The following PARG variants were observed in gnomAD, a reference collection of about 807,000 sequenced individuals.
The protein encoded by PARG is poly(ADP-ribose) glycohydrolase.
A neutral mutation model predicts 113.0 loss-of-function variants in PARG; 35 were observed. That is an observed-to-expected ratio of 0.31 (90% confidence interval 0.24 to 0.41). The LOEUF (loss-of-function observed/expected upper bound fraction) is 0.41, where lower values mean the gene tolerates loss of function less well. Among genes scored for constraint, PARG ranks in the 10% least tolerant of loss-of-function variants. The pLI, the probability that PARG is intolerant of heterozygous loss-of-function variation, is 1.00. For synonymous variants in PARG, 330 were observed against 409.9 expected (o/e 0.81, Z 2.36); for missense variants, 797 against 1,169.4 (o/e 0.68, Z 4.64).
chr10:49,842,873 G>A (rs1287535001), intron 14 of PARG, among the ~76,000 whole-genome samples: 1 of 152,150 alleles, frequency 6.6e-6, no homozygotes, highest in African/African-American at 2.4e-5. Context: ...GCAGAGGATG[G>A]ACTTGAGACA....
chr10:49,941,376 C>T, intron 1 of PARG, 133 bp downstream of exon 1: 1 of 806,372 alleles, frequency 1.2e-6, no homozygotes, highest in South Asian at 1.5e-5. Flanking sequence ...GCTTTGGTAG[C>T]TCAGCAAGTG....
At position 49,906,538 on chromosome 10, in the gene PARG, G is replaced by A. The variant is rs1325886622; in HGVS notation, c.1737+9379C>T. ...TGTCAAAGACCGACTCTGACAGCAT[G>A]TGCCACAGTCCATAGATAAAAATGA... On this transcript the variant is annotated intron_variant, in intron 7 of 17. Coordinates refer to ENST00000616448, the MANE Select transcript of PARG (RefSeq NM_003631.5). Among the ~76,000 whole-genome samples the A allele has an allele frequency of 2.6e-5, 4 of 152,220 alleles. No individual in the cohort carries two copies. The South Asian group carries it at 6.2e-4, about 24-fold the overall frequency.
chr10:49,852,660 G>A (rs1178760339), intron 13 of PARG, among the ~76,000 whole-genome samples: 2 of 150,004 alleles, frequency 1.3e-5, no homozygotes, highest in South Asian at 4.2e-4. Context: ...TGCCTCCCAC[G>A]TTCAAAAGAT....
rs1168567519 is a variant in PARG, at chr10:49,836,307, C to CTTTTTTTT, written c.2542-3407_2542-3400dup. ...TTTAGTATTCTCTGATTTCTTACGA[C>CTTTTTTTT]TTTTTTTTTTTTTTTTTTTTTTTTT... On this transcript the variant is annotated intron_variant, in intron 15 of 17. Transcript: ENST00000616448. Among the ~76,000 whole-genome samples the CTTTTTTTT allele has an allele frequency of 2.3e-3, 112 of 48,008 alleles. 39 individuals carry two copies. The highest frequency in any genetic ancestry group is 0.056 in the Middle Eastern group (2 of 36). 31.5% of individuals were successfully genotyped at this position (48,008 alleles called of 152,430 possible).
intron 8 of PARG, among the ~76,000 whole-genome samples, chr10:49,884,435 C>G (rs1309603992): frequency 1.3e-5 from 2 of 152,198 alleles, no homozygotes; most frequent in Non-Finnish European, 2.9e-5. Flanking sequence ...CTCGTCTCTA[C>G]TAAAAGTACA....
chr10:49,832,973 G>A lies in PARG; in HGVS notation c.2542-65C>T, dbSNP rs372142544. 1.9e-3 allele frequency: 1,514 copies of A among 796,664 alleles called. 32 individuals are homozygous for A. The South Asian group carries it at 0.024, about 13-fold the overall frequency. The allele number at this position is 796,664 out of a possible 1,614,324, so 49.3% of individuals were successfully genotyped here. The stretch of plus-strand genomic sequence containing the variant: ...GACACTAACAGTGTTTCTGACTGAT[G>A]TACTAGGATCAGTGTCCATTATCAA... On this transcript the variant is annotated intron_variant, in intron 15 of 17. Coordinates refer to ENST00000616448, the MANE Select transcript of PARG (RefSeq NM_003631.5).
chr10:49,941,298 T>G (rs1839045723), intron 1 of PARG, among the ~76,000 whole-genome samples: 1 of 152,114 alleles, frequency 6.6e-6, no homozygotes, highest in Non-Finnish European at 1.5e-5. Flanking sequence ...GCCCTGTGAG[T>G]GACTGCTCAT....
intron 12 of PARG, among the ~76,000 whole-genome samples, chr10:49,859,680 A>G (rs1846164144): frequency 6.6e-6 from 1 of 152,178 alleles, no homozygotes; most frequent in Non-Finnish European, 1.5e-5. Flanking sequence ...ACTACTTGAT[A>G]ATGATGATGA....
chr10:49,886,903 A>G (rs1554840539), intron 7 of PARG, among the ~76,000 whole-genome samples: 1 of 152,234 alleles, frequency 6.6e-6, no homozygotes, highest in East Asian at 1.9e-4. Flanking sequence ...TTTTTAAAAA[A>G]TCATATATTC....
intron 11 of PARG, among the ~76,000 whole-genome samples, chr10:49,862,086 C>CGTGTGTGTGTGTGTGTGTGT (rs35142553): frequency 1.4e-5 from 2 of 142,956 alleles, no homozygotes; most frequent in African/African-American, 5.3e-5. Flanking sequence ...GTTTCATAAC[C>CGTGTGTGTGTGTGTGTGTGT]GTGTGTGTGT....
chr10:49,913,210 G>A (rs1161112566), intron 7 of PARG, among the ~76,000 whole-genome samples: 6 of 152,180 alleles, frequency 3.9e-5, no homozygotes, highest in African/African-American at 1.4e-4. Flanking sequence ...CTGGAGATTT[G>A]ATGGATAGAA....
At chr10:49,873,376 C>T (rs1393526738) in intron 9 of PARG, among the ~76,000 whole-genome samples, 3 of 136,692 alleles carry the variant, frequency 2.2e-5, no homozygotes, top group Admixed American at 1.5e-4. Flanking sequence ...CATCAGATTA[C>T]GTACTGGATC....
At chr10:49,842,899 T>C (rs1013865562) in intron 14 of PARG, among the ~76,000 whole-genome samples, 2 of 152,216 alleles carry the variant, frequency 1.3e-5, no homozygotes, top group East Asian at 1.9e-4. Flanking sequence ...AGGAATAAAT[T>C]TGTGGCACGT....
At chr10:49,854,521 A>C (rs1376985160) in intron 13 of PARG, among the ~76,000 whole-genome samples, 3 of 151,752 alleles carry the variant, frequency 2.0e-5, no homozygotes, top group African/African-American at 7.3e-5. Flanking sequence ...ACAAGAAGGA[A>C]TCTAGAGGGC....
intron 15 of PARG, among the ~76,000 whole-genome samples, chr10:49,835,380 C>G (rs1844864020): frequency 6.6e-6 from 1 of 152,092 alleles, no homozygotes; most frequent in Admixed American, 6.6e-5. Flanking sequence ...TTTTACTAAT[C>G]AACAACTCAG....
At chr10:49,916,177 C>A (rs1247280254) in intron 6 of PARG, among the ~76,000 whole-genome samples, 186 bp from the exon 7 acceptor site, 2 of 152,060 alleles carry the variant, frequency 1.3e-5, no homozygotes, top group African/African-American at 4.8e-5. Context: ...TAATTTATTA[C>A]TCACTTAAAA....
Position 49,857,424 on chromosome 10 carries a change from A to C in PARG, c.2235T>G (p.Gly745=). The part of the protein sequence containing the change: ...QVDFANRFVG[G]GVTSAGLVQE... ...GCACAAGTCCTGCACTGGTTACACC[A>C]CCTCCAACAAAACGATTTGCAAAAT... The change falls in exon 13 of 18, where the codon GGT becomes GGG. Residue 745 remains glycine (G), a synonymous_variant. Transcript: ENST00000616448. 6.2e-7 allele frequency: 1 copy of C among 1,612,152 alleles called. No homozygotes were observed. Among genetic ancestry groups the C allele is most frequent in the Non-Finnish European group, 8.5e-7 (1 of 1,179,122 alleles).
At chr10:49,820,519 C>T (rs1035646973) in intron 16 of PARG, among the ~76,000 whole-genome samples, 6 of 151,804 alleles carry the variant, frequency 4.0e-5, no homozygotes, top group South Asian at 2.1e-4. Context: ...ACCAGGAGTT[C>T]GAGACCAGCC....
At chr10:49,866,128 T>G (rs1368945284) in intron 10 of PARG, among the ~76,000 whole-genome samples, 8 of 151,962 alleles carry the variant, frequency 5.3e-5, no homozygotes, top group African/African-American at 1.9e-4. Context: ...CTAGTCAGAT[T>G]TATTTATTTA....
Sources: gnomAD v4.1 joint callset for allele counts (sites outside exome capture counted in the v4.1 genomes callset) on GRCh38, gnomAD v4.1.1 for gene constraint, MANE v1.5 for transcripts, NCBI Gene and HGNC (gene_info 2026-07-23, HGNC 2026-07-21) for gene names.